The following CPQ variants were observed in gnomAD, a reference collection of about 807,000 sequenced individuals.
The protein encoded by CPQ is Ser-Met dipeptidase.
CPQ carries 37 observed loss-of-function variants against 45.7 expected under a neutral mutation model. The observed-to-expected ratio is 0.81, with a 90% CI of 0.62 to 1.07. The LOEUF is 1.07. Ranked by LOEUF, CPQ falls within the 50% of genes least tolerant of loss-of-function variation. CPQ has a pLI of 0.00. For missense variants in CPQ, 537 were observed against 572.9 expected, an observed-to-expected ratio of 0.94 and a Z score of 0.64; for synonymous variants, 186 against 205.8, an observed-to-expected ratio of 0.90 and a Z score of 0.82.
At chr8:97,084,930 GC>G (rs1420481401) in intron 7 of CPQ, among the ~76,000 whole-genome samples, 1 of 151,824 alleles carries the variant, frequency 6.6e-6, no homozygotes, top group Non-Finnish European at 1.5e-5. Flanking sequence ...CTTGTAAGTT[GC>G]TGCTTTTATT....
chr8:96,951,605 C>T (rs976911079), intron 4 of CPQ, among the ~76,000 whole-genome samples: 1 of 152,042 alleles, frequency 6.6e-6, no homozygotes, highest in Non-Finnish European at 1.5e-5. Context: ...GAAATAAAAA[C>T]GTAACTTACC....
At position 96,987,189 on chromosome 8, in the gene CPQ, G is replaced by A. The variant is rs145207185; in HGVS notation, c.961+21143G>A. ...CATTCAACATATGTCCATATGTTATGTATACTTCCATTGTCAGATTTGAGC... is the reference window on the plus strand; with the variant it reads ...CATTCAACATATGTCCATATGTTATATATACTTCCATTGTCAGATTTGAGC... On this transcript the variant is annotated intron_variant, in intron 5 of 7. Coordinates refer to ENST00000220763, the MANE Select transcript of CPQ (RefSeq NM_016134.4). Among the ~76,000 whole-genome samples the A allele has an allele frequency of 1.4e-3, 211 of 152,216 alleles. 1 individual carries two copies. The highest frequency in any genetic ancestry group is 5.0e-3 in the African/African-American group (206 of 41,536).
intron 1 of CPQ, among the ~76,000 whole-genome samples, chr8:96,745,087 A>G (rs1474261825): frequency 6.6e-6 from 1 of 152,200 alleles, no homozygotes; most frequent in African/African-American, 2.4e-5. Flanking sequence ...ACGTGGGTAG[A>G]TCACAAGGTC....
At chr8:96,998,959 T>C (rs1021619675) in intron 5 of CPQ, among the ~76,000 whole-genome samples, 1 of 152,028 alleles carries the variant, frequency 6.6e-6, no homozygotes, top group Non-Finnish European at 1.5e-5. Context: ...TACATGATAC[T>C]AGCGTAGCAA....
intron 5 of CPQ, among the ~76,000 whole-genome samples, chr8:96,976,270 A>AAAC (rs1563544184): frequency 2.7e-5 from 4 of 146,488 alleles, no homozygotes; most frequent in Non-Finnish European, 5.9e-5. Context: ...AAAAAAAAAA[A>AAAC]AACCTTAGGA....
At chr8:96,759,006 C>A (rs1009618449) in intron 1 of CPQ, among the ~76,000 whole-genome samples, 1 of 152,158 alleles carries the variant, frequency 6.6e-6, no homozygotes, top group South Asian at 2.1e-4. Flanking sequence ...CAAAGGTAAA[C>A]CCTGGAAAAG....
intron 2 of CPQ, among the ~76,000 whole-genome samples, chr8:96,820,114 G>T (rs1302719713): frequency 6.6e-6 from 1 of 152,014 alleles, no homozygotes; most frequent in Non-Finnish European, 1.5e-5. Context: ...TTTCCTCACA[G>T]ATTGATGTGG....
At chr8:96,876,814 C>A (rs537159721) in intron 3 of CPQ, among the ~76,000 whole-genome samples, 1 of 151,776 alleles carries the variant, frequency 6.6e-6, no homozygotes, top group African/African-American at 2.4e-5. Context: ...TATATGTTGC[C>A]GGTTCTCTTT....
At chr8:96,990,575 C>T (rs1289383433) in intron 5 of CPQ, among the ~76,000 whole-genome samples, 2 of 152,206 alleles carry the variant, frequency 1.3e-5, no homozygotes, top group Non-Finnish European at 2.9e-5. Context: ...TTAGCCTCCA[C>T]TGGTCAAATG....
intron 3 of CPQ, among the ~76,000 whole-genome samples, chr8:96,859,009 A>T (rs373098374): frequency 6.6e-6 from 1 of 152,112 alleles, no homozygotes; most frequent in Non-Finnish European, 1.5e-5. Context: ...AGTGTCATTC[A>T]TGTATTTCTA....
At chr8:96,895,548 A>G (rs1812432604) in intron 4 of CPQ, among the ~76,000 whole-genome samples, 1 of 152,206 alleles carries the variant, frequency 6.6e-6, no homozygotes, top group African/African-American at 2.4e-5. Flanking sequence ...TTAAATAAAT[A>G]TGTAGCTAGT....
intron 4 of CPQ, among the ~76,000 whole-genome samples, chr8:96,919,952 T>C (rs963421252): frequency 3.9e-5 from 6 of 152,168 alleles, no homozygotes; most frequent in Non-Finnish European, 8.8e-5. Context: ...AATAAATAAG[T>C]CATCAACTTC....
chr8:96,740,427 C>G (rs1444516468), intron 1 of CPQ, among the ~76,000 whole-genome samples: 1 of 151,998 alleles, frequency 6.6e-6, no homozygotes, highest in Non-Finnish European at 1.5e-5. Flanking sequence ...ATTTGACTTC[C>G]TCTTTTCCTA....
chr8:96,895,640 G>A (rs947864229), intron 4 of CPQ, among the ~76,000 whole-genome samples: 3 of 152,116 alleles, frequency 2.0e-5, no homozygotes, highest in South Asian at 4.1e-4. Context: ...AGGAAGCTTA[G>A]GAAGAGGTTA....
chr8:97,046,238 T>G (rs559214500), intron 6 of CPQ, among the ~76,000 whole-genome samples: 1 of 152,324 alleles, frequency 6.6e-6, no homozygotes, highest in Admixed American at 6.5e-5. Flanking sequence ...ATACTTTTTT[T>G]TTTCCTAAGC....
intron 1 of CPQ, among the ~76,000 whole-genome samples, chr8:96,684,305 G>A (rs1311635740): frequency 6.6e-6 from 1 of 152,178 alleles, no homozygotes; most frequent in African/African-American, 2.4e-5. Flanking sequence ...GCTGTAATTA[G>A]CATCAGTGTT....
chr8:96,854,620 A>G (rs1213987552), intron 3 of CPQ, among the ~76,000 whole-genome samples: 1 of 150,950 alleles, frequency 6.6e-6, no homozygotes, highest in Non-Finnish European at 1.5e-5. Context: ...TGTTATATTC[A>G]TCCAATAGGG....
chr8:96,806,547 G>A lies in CPQ; in HGVS notation c.433+21217G>A, dbSNP rs199964713. On this transcript the variant is annotated intron_variant, in intron 2 of 7. Coordinates refer to ENST00000220763, the MANE Select transcript of CPQ (RefSeq NM_016134.4). The stretch of plus-strand genomic sequence containing the variant: ...GTAAACCAGGTCAGATTTATACAAG[G>A]AAATACTAGAAAGCAGTTAAAATGG... Among the ~76,000 whole-genome samples the A allele has an allele frequency of 1.4e-4, 21 of 152,278 alleles. No homozygotes were observed. The East Asian group carries it at 3.9e-3, about 28-fold the overall frequency.
chr8:96,912,446 GA>G (rs1013723744), intron 4 of CPQ, among the ~76,000 whole-genome samples: 2 of 151,902 alleles, frequency 1.3e-5, no homozygotes, highest in African/African-American at 4.8e-5. Flanking sequence ...TTTAATGTCA[GA>G]AAAAAAGTCT....
Sources: allele counts gnomAD v4.1 joint callset (sites outside exome capture counted in the v4.1 genomes callset), GRCh38; gene constraint gnomAD v4.1.1; transcripts MANE v1.5; gene names NCBI Gene and HGNC (gene_info 2026-07-23, HGNC 2026-07-21).